The following EBF2 variants were observed in gnomAD, a reference collection of about 807,000 sequenced individuals.
EBF2 encodes the protein transcription factor COE2.
In EBF2, 21 loss-of-function variants were observed where a neutral mutation model predicts 72.8. That is an observed-to-expected ratio of 0.29 (90% CI 0.20 to 0.42). EBF2 has a LOEUF of 0.42. Among genes scored for constraint, EBF2 ranks in the 10% least tolerant of loss-of-function variants. EBF2 has a pLI of 1.00. For missense variants in EBF2, 637 were observed against 731.2 expected, an observed-to-expected ratio of 0.87 and a Z score of 1.49; for synonymous variants, 299 against 274.2, an observed-to-expected ratio of 1.09 and a Z score of -0.89.
chr8:25,856,645 G>A (rs1017438952), intron 14 of EBF2, among the ~76,000 whole-genome samples: 3 of 152,122 alleles, frequency 2.0e-5, no homozygotes, highest in Non-Finnish European at 4.4e-5. Context: ...TTTACACAAT[G>A]GATCTCTTGC....
chr8:25,938,972 G>A (rs754400247), intron 6 of EBF2, among the ~76,000 whole-genome samples: 3 of 152,086 alleles, frequency 2.0e-5, no homozygotes, highest in Admixed American at 6.5e-5. Flanking sequence ...GAGCTTCCCA[G>A]AGACCTGGGA....
At chr8:26,009,249 C>CA (rs1563207202) in intron 6 of EBF2, among the ~76,000 whole-genome samples, 1 of 151,700 alleles carries the variant, frequency 6.6e-6, no homozygotes, top group Non-Finnish European at 1.5e-5. Flanking sequence ...TGAGTTTTCT[C>CA]TTTTTTTCCC....
chr8:25,866,667 T>C (rs1802334519), intron 10 of EBF2, among the ~76,000 whole-genome samples: 1 of 145,750 alleles, frequency 6.9e-6, no homozygotes, highest in South Asian at 2.1e-4. Context: ...AGTCTTGCTG[T>C]GTCACCCCGG....
chr8:25,952,638 C>A (rs899972211), intron 6 of EBF2, among the ~76,000 whole-genome samples: 3 of 152,046 alleles, frequency 2.0e-5, no homozygotes, highest in African/African-American at 7.3e-5. Flanking sequence ...TGCTAATCTC[C>A]CCCCTACACT....
chr8:25,853,357 G>A (rs930219824), intron 14 of EBF2, among the ~76,000 whole-genome samples: 2 of 151,872 alleles, frequency 1.3e-5, no homozygotes, highest in Admixed American at 6.6e-5. Flanking sequence ...AACGCCCCAA[G>A]AGAAAAATAA....
chr8:25,913,480 C>T (rs1422160529), intron 6 of EBF2, among the ~76,000 whole-genome samples: 1 of 152,070 alleles, frequency 6.6e-6, no homozygotes, highest in Admixed American at 6.6e-5. Flanking sequence ...GGAATGTGAA[C>T]TTAGTAGTAG....
In EBF2 at chr8:26,044,248, C is replaced by T. The variant is rs2117270640; in HGVS notation, c.131+481G>A. On this transcript the variant is annotated intron_variant, in intron 1 of 15. Coordinates refer to ENST00000520164, the MANE Select transcript of EBF2 (RefSeq NM_022659.4). This position sits in a 1 kb window ranked among gnomAD's most constrained non-coding sequence, Gnocchi z 4.1. ...TCCCCTCGCCGCCGCCACCCTCTGG[C>T]CGCCGGCCTCCCAGGCTCCAGGAAT... 6.6e-6 allele frequency among the ~76,000 whole-genome samples: 1 copy of T among 152,316 alleles called. No homozygotes were observed. The highest frequency in any genetic ancestry group is 1.5e-5 in the Non-Finnish European group (1 of 68,022).
At chr8:25,970,617 A>G (rs530217935) in intron 6 of EBF2, among the ~76,000 whole-genome samples, 1 of 152,292 alleles carries the variant, frequency 6.6e-6, no homozygotes, top group East Asian at 1.9e-4. Flanking sequence ...ACTGTACCCA[A>G]GCTGCCTCTG....
intron 6 of EBF2, among the ~76,000 whole-genome samples, chr8:26,012,228 T>C (rs1805037346): frequency 6.6e-6 from 1 of 152,134 alleles, no homozygotes; most frequent in Admixed American, 6.6e-5. Flanking sequence ...AGGTAGAACA[T>C]ACGAGAGAGA....
intron 6 of EBF2, among the ~76,000 whole-genome samples, chr8:25,941,231 G>A (rs971787702): frequency 1.3e-5 from 2 of 150,132 alleles, no homozygotes; most frequent in African/African-American, 4.9e-5. Context: ...TTCGAGACAG[G>A]GTCTTGCTCT....
chr8:25,996,116 C>T (rs1322490091), intron 6 of EBF2, among the ~76,000 whole-genome samples: 1 of 152,026 alleles, frequency 6.6e-6, no homozygotes, highest in East Asian at 1.9e-4. Flanking sequence ...GTTTGGGCAA[C>T]ATGGCAAAAC....
chr8:25,864,106 TTAATTA>T (rs1213409582), intron 10 of EBF2, among the ~76,000 whole-genome samples: 1 of 152,180 alleles, frequency 6.6e-6, no homozygotes, highest in Non-Finnish European at 1.5e-5. Context: ...GTGCATAACT[TTAATTA>T]TTTCAATTGG....
intron 5 of EBF2, among the ~76,000 whole-genome samples, chr8:26,039,256 G>A (rs553401684): frequency 2.1e-5 from 3 of 140,196 alleles, no homozygotes; most frequent in Admixed American, 6.8e-5. Flanking sequence ...AAAAAAGGGT[G>A]GGGGGGGAAT....
chr8:25,869,814 G>A lies in EBF2; in HGVS notation c.1010-7017C>T, dbSNP rs139721487. Among the ~76,000 whole-genome samples, 9 of 152,228 alleles carry A rather than the reference G, an allele frequency of 5.9e-5. No individual in the cohort carries two copies. In the East Asian group the frequency reaches 1.4e-3, roughly 23 times the overall value. On this transcript the variant is annotated intron_variant, in intron 10 of 15. Coordinates refer to ENST00000520164, the MANE Select transcript of EBF2 (RefSeq NM_022659.4). ...GTACTGAAGCCTTACTATGTTAAGG[G>A]CACTCTGCTAAGCCTTTTAGGCACA...
At chr8:25,905,176 T>C (rs2117309806) in intron 7 of EBF2, among the ~76,000 whole-genome samples, 1 of 152,214 alleles carries the variant, frequency 6.6e-6, no homozygotes, top group African/African-American at 2.4e-5. Context: ...ATGACTAGAA[T>C]TTTTTTAAAA....
At chr8:25,910,075 T>A (rs1422067210) in intron 6 of EBF2, among the ~76,000 whole-genome samples, 1 of 152,184 alleles carries the variant, frequency 6.6e-6, no homozygotes, top group African/African-American at 2.4e-5. Flanking sequence ...TGTGCGTGGC[T>A]GTCCGACCTC....
chr8:25,979,786 A>G (rs1202706804), intron 6 of EBF2, among the ~76,000 whole-genome samples: 2 of 152,136 alleles, frequency 1.3e-5, no homozygotes, highest in Non-Finnish European at 2.9e-5. Flanking sequence ...ATATGTCACC[A>G]AAATAAAAAC....
rs542587882 is a variant in EBF2 at position 25,910,998 on chromosome 8, A to AT, written c.552-2444dup. ...AATTCTGGGGCTTACTGACATCTCCATTTTTTTTTCCTCTTACTTTAACTG... is the reference window on the plus strand; with the variant it reads ...AATTCTGGGGCTTACTGACATCTCCATTTTTTTTTTCCTCTTACTTTAACTG... On this transcript the variant is annotated intron_variant, in intron 6 of 15. Coordinates refer to ENST00000520164, the MANE Select transcript of EBF2 (RefSeq NM_022659.4). 9.3e-5 allele frequency among the ~76,000 whole-genome samples: 14 copies of AT among 151,142 alleles called. No homozygotes were observed. The East Asian group carries it at 9.7e-4, about 10-fold the overall frequency.
At chr8:25,895,718 G>A (rs1219988056) in intron 7 of EBF2, among the ~76,000 whole-genome samples, 3 of 152,180 alleles carry the variant, frequency 2.0e-5, no homozygotes, top group Non-Finnish European at 4.4e-5. Flanking sequence ...CTAGTAAAAG[G>A]CCACAGTGGG....
Sources: allele counts gnomAD v4.1 joint callset (sites outside exome capture counted in the v4.1 genomes callset), GRCh38; gene constraint gnomAD v4.1.1; non-coding constraint Gnocchi (gnomAD v3.1); transcripts MANE v1.5; gene names NCBI Gene and HGNC (gene_info 2026-07-23, HGNC 2026-07-21).